RELN: variants seen among roughly 807,000 people sequenced by gnomAD.
The protein encoded by RELN is reelin.
A neutral mutation model predicts 427.6 loss-of-function variants in RELN; 108 were observed. The observed-to-expected ratio is 0.25, with a 90% CI of 0.22 to 0.30. The LOEUF is 0.30. Among genes scored for constraint, RELN ranks in the 10% least tolerant of loss-of-function variants. The pLI, the probability that RELN is intolerant of heterozygous loss-of-function variation, is 1.00. For missense variants in RELN, 3,715 were observed against 4,302.8 expected (o/e 0.86, Z 3.82); for synonymous variants, 1,524 against 1,513.4 (o/e 1.01, Z -0.16).
At chr7:103,650,628 C>G (rs759225354) in intron 15 of RELN, among the ~76,000 whole-genome samples, 4 of 152,000 alleles carry the variant, frequency 2.6e-5, no homozygotes, top group Non-Finnish European at 4.4e-5. Flanking sequence ...ATTTTTAAAG[C>G]TTTAATTTAT....
chr7:103,538,430 C>G (rs979221107), intron 45 of RELN, among the ~76,000 whole-genome samples: 3 of 152,222 alleles, frequency 2.0e-5, no homozygotes, highest in Non-Finnish European at 4.4e-5. Context: ...TTTATCTCTC[C>G]TACGATGGGT....
At chr7:103,590,331 AG>A (rs1831380534) in intron 27 of RELN, among the ~76,000 whole-genome samples, 1 of 152,118 alleles carries the variant, frequency 6.6e-6, no homozygotes. Flanking sequence ...TGGGAGGCTG[AG>A]GCGGGTGGAT....
chr7:103,934,725 C>G (rs1795942062), intron 1 of RELN, among the ~76,000 whole-genome samples: 1 of 152,220 alleles, frequency 6.6e-6, no homozygotes, highest in South Asian at 2.1e-4. Context: ...CACCTATTCA[C>G]CGGCTCTGGA....
chr7:103,963,895 G>C (rs1177943898), intron 1 of RELN, among the ~76,000 whole-genome samples: 2 of 152,172 alleles, frequency 1.3e-5, no homozygotes, highest in East Asian at 3.9e-4. Flanking sequence ...GGACATTGTG[G>C]CTCATGTCTG....
intron 6 of RELN, among the ~76,000 whole-genome samples, chr7:103,749,119 T>C (rs1475917232): frequency 6.6e-6 from 1 of 152,134 alleles, no homozygotes; most frequent in Non-Finnish European, 1.5e-5. Flanking sequence ...CCTTCTTTGC[T>C]TGGCATAAAT....
intron 1 of RELN, among the ~76,000 whole-genome samples, chr7:103,960,841 T>C (rs559072910): frequency 2.0e-5 from 3 of 152,228 alleles, no homozygotes; most frequent in Non-Finnish European, 4.4e-5. Context: ...CAACTAGAAA[T>C]GGCAAAGCCA....
intron 18 of RELN, 69 bp downstream of exon 18, chr7:103,636,166 A>G: frequency 2.0e-6 from 2 of 1,014,468 alleles, no homozygotes; most frequent in Non-Finnish European, 3.1e-6. Flanking sequence ...AGAAATAAAA[A>G]TGGACAGTAT....
At chr7:103,653,800 G>A (rs1267529281) in intron 13 of RELN, among the ~76,000 whole-genome samples, 1 of 152,054 alleles carries the variant, frequency 6.6e-6, no homozygotes, top group East Asian at 1.9e-4. Context: ...CATAATTAGA[G>A]TTACATTTAG....
At chr7:103,931,544 C>G (rs1297342797) in intron 1 of RELN, among the ~76,000 whole-genome samples, 2 of 152,106 alleles carry the variant, frequency 1.3e-5, no homozygotes, top group Admixed American at 1.3e-4. Flanking sequence ...GAGCATAGTC[C>G]CTAAAAGGTT....
Position 103,914,665 on chromosome 7 carries a change from A to G in RELN, c.337+2410T>C, listed in dbSNP as rs77418641. 3.7e-3 allele frequency among the ~76,000 whole-genome samples: 569 copies of G among 152,180 alleles called. 11 individuals are homozygous for G. The East Asian group carries it at 0.059, about 16-fold the overall frequency. ...AAGGTAACCTTATCATCATCATGTC[A>G]TATATGAGAAAATTAAGCTTAGAGA... On this transcript the variant is annotated intron_variant, in intron 2 of 64. Transcript: ENST00000428762.
intron 63 of RELN, chr7:103,482,310 G>A (rs1002628289): frequency 6.1e-6 from 1 of 162,760 alleles, no homozygotes; most frequent in Admixed American, 5.8e-5. Context: ...TCTCTGTGAG[G>A]GAACAGTCAA....
intron 3 of RELN, among the ~76,000 whole-genome samples, chr7:103,804,002 G>A (rs562923871): frequency 2.0e-5 from 3 of 152,106 alleles, no homozygotes; most frequent in East Asian, 1.9e-4. Flanking sequence ...TTCAAATGAC[G>A]TGTCATTGGA....
chr7:103,820,394 T>C (rs755669057), intron 3 of RELN, among the ~76,000 whole-genome samples: 5 of 152,038 alleles, frequency 3.3e-5, no homozygotes, highest in African/African-American at 4.8e-5. Flanking sequence ...AATTCCTCTT[T>C]TGAAGTTTAA....
chr7:103,611,748 T>C lies in RELN; in HGVS notation c.2758A>G (p.Met920Val), dbSNP rs1235955018. ...ATCATATAGGATGCTCCTATCTGCATTGATTGTGTTTCCACATAGCGCATA... is the reference window on the plus strand; with the variant it reads ...ATCATATAGGATGCTCCTATCTGCACTGATTGTGTTTCCACATAGCGCATA... ...SSMRYVETQS[M>V]QIGASYMIQF... Residue 920 changes from methionine (M) to valine (V), a missense_variant, in exon 21 of 65, where the codon ATG becomes GTG. By Grantham distance (21) the Met-to-Val change is conservative. Around this residue, in one of 4 missense-constraint regions of RELN, gnomAD observed 2,208 missense variants for 2,361.7 expected, o/e 0.93. Coordinates refer to ENST00000428762, the MANE Select transcript of RELN (RefSeq NM_005045.4). The C allele has an allele frequency of 1.2e-6, 2 of 1,614,012 alleles. No individual in the cohort carries two copies. Among genetic ancestry groups the C allele is most frequent in the South Asian group, 1.1e-5 (1 of 91,076 alleles).
intron 17 of RELN, among the ~76,000 whole-genome samples, chr7:103,637,031 T>C (rs534642765): frequency 6.6e-6 from 1 of 152,342 alleles, no homozygotes; most frequent in South Asian, 2.1e-4. Context: ...TGCCTCTCAG[T>C]GGACTCTCCC....
At chr7:103,578,590 G>A (rs988176797) in intron 28 of RELN, among the ~76,000 whole-genome samples, 1 of 152,090 alleles carries the variant, frequency 6.6e-6, no homozygotes, top group Non-Finnish European at 1.5e-5. Flanking sequence ...GGTTCCTGAT[G>A]TCTGCTGCTA....
At chr7:103,539,965 A>T (rs1830141434) in intron 44 of RELN, among the ~76,000 whole-genome samples, 1 of 152,216 alleles carries the variant, frequency 6.6e-6, no homozygotes, top group South Asian at 2.1e-4. Context: ...TATGAGCAGG[A>T]CCTAGTCCTT....
At chr7:103,982,885 T>C (rs905736537) in intron 1 of RELN, among the ~76,000 whole-genome samples, 3 of 152,218 alleles carry the variant, frequency 2.0e-5, no homozygotes, top group African/African-American at 7.2e-5. Flanking sequence ...GGTCTTGAAA[T>C]CCTGGGCTCA....
At chr7:103,622,140 G>C (rs1443961146) in intron 20 of RELN, among the ~76,000 whole-genome samples, 3 of 152,320 alleles carry the variant, frequency 2.0e-5, no homozygotes, top group Admixed American at 2.0e-4. Flanking sequence ...TCAGTGGTCT[G>C]TCTCCTTACT....
Sources: gnomAD v4.1 joint callset for allele counts (sites outside exome capture counted in the v4.1 genomes callset) on GRCh38, gnomAD v4.1.1 for gene constraint, gnomAD v4.1.1 regional missense constraint, MANE v1.5 for transcripts, NCBI Gene and HGNC (gene_info 2026-07-23, HGNC 2026-07-21) for gene names.